Variants in DYRK4 observed in about 807,000 individuals in gnomAD.
DYRK4 encodes dual specificity tyrosine-phosphorylation-regulated kinase 4.
In DYRK4, 64 loss-of-function variants were observed where a neutral mutation model predicts 68.3. The observed-to-expected ratio is 0.94, with a 90% CI of 0.77 to 1.15. The LOEUF is 1.15. Ranked by LOEUF, DYRK4 falls within the 50% of genes most tolerant of loss-of-function variation. DYRK4 has a pLI of 0.00. For synonymous variants in DYRK4, 274 were observed against 289.9 expected, an observed-to-expected ratio of 0.95 and a Z score of 0.56; for missense variants, 740 against 764.7, an observed-to-expected ratio of 0.97 and a Z score of 0.38.
chr12:4,593,616 T>C (rs1591799240), intron 6 of DYRK4, among the ~76,000 whole-genome samples: 2 of 152,342 alleles, frequency 1.3e-5, no homozygotes, highest in Middle Eastern at 6.8e-3. Flanking sequence ...CCCTGGTGCA[T>C]AGAGCTTAAT....
intron 3 of DYRK4, 49 bp downstream of exon 3, chr12:4,589,066 G>A (rs566079229): frequency 6.6e-7 from 1 of 1,518,616 alleles, no homozygotes; most frequent in African/African-American, 1.4e-5. Flanking sequence ...ATGAGGAGAG[G>A]TGGGTGGCCA....
chr12:4,589,003 C>A lies in DYRK4; in HGVS notation c.199C>A (p.Gln67Lys). Residue 67 changes from glutamine to lysine, a missense_variant, in exon 3 of 15, where the codon CAA (glutamine) becomes AAA (lysine). Coordinates refer to ENST00000543431, the MANE Select transcript of DYRK4 (RefSeq NM_001394779.1). ...PSNIKNSRMT[Q>K]VFHKNTSVTS... is the part of the protein sequence containing the mutation. The stretch of plus-strand genomic sequence containing the variant: ...CAATATCAAGAACTCCAGAATGACC[C>A]AAGTCTTTCATAAGGTAGGGAGTGA... 2 of 1,535,986 alleles carry A rather than the reference C, an allele frequency of 1.3e-6. No individual in the cohort carries two copies. The highest frequency in any genetic ancestry group is 1.7e-6 in the Non-Finnish European group (2 of 1,146,868).
intron 2 of DYRK4, among the ~76,000 whole-genome samples, chr12:4,573,985 G>T (rs1944758019): frequency 6.6e-6 from 1 of 152,084 alleles, no homozygotes; most frequent in African/African-American, 2.4e-5. Context: ...CAGCACTTTG[G>T]GAGGCCAAGG....
rs776182813 is a variant in DYRK4, at chr12:4,593,173, G to C, written c.627+8G>C. 2 of 1,612,770 alleles carry C rather than the reference G, an allele frequency of 1.2e-6. No homozygotes were observed. On this transcript the variant is annotated splice_region_variant and intron_variant, in intron 6 of 14. Coordinates refer to ENST00000543431, the MANE Select transcript of DYRK4 (RefSeq NM_001394779.1). Reference sequence around the variant, plus strand: ...CATGGCTTCTATCTGAAGGTGATGGGGGTGGGGGCCATGGGAACCTGCAGG... The same window carrying C: ...CATGGCTTCTATCTGAAGGTGATGGCGGTGGGGGCCATGGGAACCTGCAGG...
intron 3 of DYRK4, 166 bp from the exon 4 acceptor site, chr12:4,590,164 C>T (rs1056369663): frequency 2.7e-5 from 38 of 1,385,272 alleles, no homozygotes; most frequent in Non-Finnish European, 3.3e-5. Context: ...CTCTGCTGCT[C>T]TGGAATCTGC....
At chr12:4,603,166 C>A in intron 10 of DYRK4, 1 of 1,301,394 alleles carries the variant, frequency 7.7e-7, no homozygotes, top group Non-Finnish European at 1.1e-6. Context: ...TACTCGGTAC[C>A]GAAATGAAGT....
At chr12:4,609,085 AC>A (rs1161261310) in intron 12 of DYRK4, among the ~76,000 whole-genome samples, 7 of 152,290 alleles carry the variant, frequency 4.6e-5, no homozygotes, top group Non-Finnish European at 1.0e-4. Flanking sequence ...AACACAGAGC[AC>A]CTTCGTAGGA....
intron 1 of DYRK4, among the ~76,000 whole-genome samples, chr12:4,567,102 T>A (rs1944684679): frequency 6.6e-6 from 1 of 152,252 alleles, no homozygotes; most frequent in Non-Finnish European, 1.5e-5. Context: ...AGTTCTGATT[T>A]TTCAATAGTT....
In DYRK4 at chr12:4,613,580, G is replaced by T. The variant is rs754680021; in HGVS notation, c.1732G>T (p.Gly578Cys). Residue 578 changes from glycine (G) to cysteine (C), a missense_variant, in exon 15 of 15, where the codon GGT becomes TGT. By Grantham distance (159) the Gly-to-Cys change is radical (BLOSUM62 -3). Transcript: ENST00000543431. This position sits in a 1 kb window ranked among gnomAD's most constrained non-coding sequence, Gnocchi z 4.0. Reference protein sequence around the residue: ...DSPTKHVQHSGDQQDCLQHGA... With the variant: ...DSPTKHVQHSCDQQDCLQHGA... ...CCCCACGAAGCATGTTCAGCATTCAGGTGATCAGCAGGACTGTCTCCAGCA... is the reference window on the plus strand; with the variant it reads ...CCCCACGAAGCATGTTCAGCATTCATGTGATCAGCAGGACTGTCTCCAGCA... 1.5e-5 allele frequency: 25 copies of T among 1,614,138 alleles called. No individual in the cohort carries two copies. The Admixed American group carries it at 4.2e-4, about 27-fold the overall frequency.
intron 1 of DYRK4, chr12:4,564,616 T>C (rs2137313197): frequency 6.6e-6 from 1 of 152,388 alleles, no homozygotes; most frequent in South Asian, 2.1e-4. Flanking sequence ...TCTGTGGATC[T>C]GCCTTAACCT....
intron 2 of DYRK4, among the ~76,000 whole-genome samples, chr12:4,574,204 G>A (rs1355472127): frequency 1.4e-5 from 2 of 143,758 alleles, no homozygotes; most frequent in African/African-American, 2.6e-5. Flanking sequence ...TGGCCTGGGC[G>A]ACAGAGCGAG....
chr12:4,579,077 C>T lies in DYRK4; in HGVS notation c.133-9860C>T, dbSNP rs375934518. On this transcript the variant is annotated intron_variant, in intron 2 of 14. Coordinates refer to ENST00000543431, the MANE Select transcript of DYRK4 (RefSeq NM_001394779.1). ...GGATCATGAGGTGAAGAGATTGAGA[C>T]CATCCTGGCCAACATGGTGAAACCC... is the stretch of plus-strand genomic sequence containing the variant. Among the ~76,000 whole-genome samples, 7 of 152,178 alleles carry T rather than the reference C, an allele frequency of 4.6e-5. No individual in the cohort carries two copies. The East Asian group carries it at 1.2e-3, about 25-fold the overall frequency.
At chr12:4,592,835 TTGTCATACTTCCA>T (rs1474058927) in intron 5 of DYRK4, 154 bp from the exon 6 acceptor site, 14 of 675,994 alleles carry the variant, frequency 2.1e-5, no homozygotes, top group Non-Finnish European at 3.2e-5. Context: ...ACATTTATTC[TTGTCATACTTCCA>T]TCTTGTGAGA....
intron 2 of DYRK4, among the ~76,000 whole-genome samples, chr12:4,576,014 T>C (rs574918428): frequency 6.6e-6 from 1 of 152,338 alleles, no homozygotes; most frequent in South Asian, 2.1e-4. Flanking sequence ...TGAACGAAGA[T>C]TGATACATTA....
In DYRK4 at chr12:4,568,024, G is replaced by C; in HGVS notation, c.108G>C (p.Lys36Asn). Residue 36 changes from lysine (K) to asparagine (N), a missense_variant, in exon 2 of 15, where the codon AAG becomes AAC. Lys to Asn is a moderately conservative substitution (Grantham distance 94). This residue lies in a region of DYRK4 where 70 missense variants were observed against 71.1 expected (regional missense o/e 0.98). Transcript: ENST00000543431. ...CCTTCCTGGTTTTGAAAGCAAGAAA[G>C]AAACAAAAGTTCACCTCTGCGAAGG... ...LTPFLVLKAR[K>N]KQKFTSAKVG... The C allele has an allele frequency of 6.5e-7, 1 of 1,536,096 alleles. No individual in the cohort carries two copies. The highest frequency in any genetic ancestry group is 8.7e-7 in the Non-Finnish European group (1 of 1,146,890).
At chr12:4,599,592 G>A in intron 9 of DYRK4, 115 bp from the exon 10 acceptor site, 1 of 699,892 alleles carries the variant, frequency 1.4e-6, no homozygotes, top group Non-Finnish European at 2.4e-6. Flanking sequence ...GTGGGAGGAT[G>A]CCCATGGAGG....
At chr12:4,601,585 T>A (rs927839906) in intron 10 of DYRK4, among the ~76,000 whole-genome samples, 2 of 152,192 alleles carry the variant, frequency 1.3e-5, no homozygotes, top group African/African-American at 4.8e-5. Flanking sequence ...ATAATGAAAC[T>A]TTTGACATGT....
intron 2 of DYRK4, among the ~76,000 whole-genome samples, chr12:4,577,201 A>T (rs1944798209): frequency 1.3e-5 from 2 of 152,040 alleles, no homozygotes; most frequent in Admixed American, 6.6e-5. Flanking sequence ...CTGTGTCTAG[A>T]TTAATTTTTT....
chr12:4,564,499 G>A (rs1051654797), intron 1 of DYRK4: 3 of 152,094 alleles, frequency 2.0e-5, no homozygotes, highest in Non-Finnish European at 2.9e-5. Flanking sequence ...ATCATAACAG[G>A]TAAATCTCAA....
Sources: allele counts gnomAD v4.1 joint callset (sites outside exome capture counted in the v4.1 genomes callset), GRCh38; gene constraint gnomAD v4.1.1; regional missense constraint gnomAD v4.1.1; non-coding constraint Gnocchi (gnomAD v3.1); transcripts MANE v1.5; gene names NCBI Gene and HGNC (gene_info 2026-07-23, HGNC 2026-07-21).